ARRB2: variants seen among roughly 807,000 people sequenced by gnomAD.
The protein encoded by ARRB2 is arrestin beta 2, also known as beta-arrestin-2.
Under a neutral mutation model 53.4 loss-of-function variants are expected in ARRB2, and 21 were observed. The ratio of observed to expected loss-of-function variants is 0.39; its 90% confidence interval spans 0.28 to 0.57. The LOEUF is 0.57. ARRB2 is among the 20% of genes least tolerant of loss of function. The pLI, the probability that ARRB2 is intolerant of heterozygous loss-of-function variation, is 0.55. For synonymous variants in ARRB2, 180 were observed against 212.9 expected, an observed-to-expected ratio of 0.85 and a Z score of 1.34; for missense variants, 369 against 527.5, an observed-to-expected ratio of 0.70 and a Z score of 2.94.
At chr17:4,716,650 T>A (rs1311304149) in intron 5 of ARRB2, 42 bp downstream of exon 5, 1 of 1,543,102 alleles carries the variant, frequency 6.5e-7, no homozygotes, top group East Asian at 2.4e-5. Flanking sequence ...GGGCTGGGGC[T>A]GGGACTGTGT....
At chr17:4,718,175 G>A (rs949963324) in intron 8 of ARRB2, 86 bp from the exon 9 acceptor site, 17 of 1,544,340 alleles carry the variant, frequency 1.1e-5, no homozygotes, top group Admixed American at 1.9e-5. Flanking sequence ...GAGGGGGCCA[G>A]AACAATGTGT....
Position 4,717,762 on chromosome 17 carries a change from G to T in ARRB2, c.485+10G>T, listed in dbSNP as rs1269387887. On this transcript the variant is annotated intron_variant, in intron 7 of 14. Transcript: ENST00000269260. This position sits in a 1 kb window ranked among gnomAD's most constrained non-coding sequence, Gnocchi z 6.0. Reference sequence around the variant, plus strand: ...AGAAAAGCCACAAAAGGTAAGGGAAGTGACCTCCTCTGTGGTGTAAGAGGA... The same window carrying T: ...AGAAAAGCCACAAAAGGTAAGGGAATTGACCTCCTCTGTGGTGTAAGAGGA... 6.2e-7 allele frequency: 1 copy of T among 1,612,930 alleles called. No homozygotes were observed. Among genetic ancestry groups the T allele is most frequent in the South Asian group, 1.1e-5 (1 of 91,072 alleles).
At chr17:4,716,857 C>G (rs1915120385) in intron 5 of ARRB2, 1 of 708,166 alleles carries the variant, frequency 1.4e-6, no homozygotes, top group Admixed American at 3.0e-5. Context: ...GTTGTTGAGA[C>G]AAAGTCTCGC....
chr17:4,718,948 AT>A (rs1181374847), intron 10 of ARRB2, among the ~76,000 whole-genome samples: 1 of 152,028 alleles, frequency 6.6e-6, no homozygotes, highest in East Asian at 1.9e-4. Flanking sequence ...TACCCGGCTT[AT>A]TTTTAATAGA....
chr17:4,715,797 A>C (rs1597479098), intron 2 of ARRB2, 176 bp from the exon 3 acceptor site: 2 of 672,958 alleles, frequency 3.0e-6, no homozygotes, highest in Non-Finnish European at 5.1e-6. Flanking sequence ...CTAAAGGTCC[A>C]CTAGTCTGAG....
intron 11 of ARRB2, 104 bp downstream of exon 11, chr17:4,719,524 A>C: frequency 6.7e-7 from 1 of 1,482,720 alleles, no homozygotes; most frequent in Non-Finnish European, 9.1e-7. Flanking sequence ...AGAAGAGACA[A>C]AAAGAACTCT....
chr17:4,716,168 C>T lies in ARRB2; in HGVS notation c.137C>T (p.Pro46Leu), dbSNP rs1238660734. The change falls in exon 4 of 15, where the codon CCT (proline) becomes CTT (leucine). Residue 46 changes from proline to leucine, a missense_variant. Physicochemically the swap from Pro to Leu is moderately conservative, Grantham distance 98. Transcript: ENST00000269260. ...CTAGATGGCGTGGTGCTTGTGGACC[C>T]TGACTACCTGAAGGACCGCAAAGGT... The part of the protein sequence containing the change: ...DPVDGVVLVD[P>L]DYLKDRKVFV... 1 of 1,614,192 alleles carries T rather than the reference C, an allele frequency of 6.2e-7. No individual in the cohort carries two copies. Among genetic ancestry groups the T allele is most frequent in the Non-Finnish European group, 8.5e-7 (1 of 1,180,032 alleles).
In ARRB2 at chr17:4,718,294, G is replaced by C. The variant is rs1232568521; in HGVS notation, c.655G>C (p.Val219Leu). Residue 219 changes from valine to leucine, a missense_variant, in exon 9 of 15, where the codon GTC becomes CTC. By Grantham distance (32) the Val-to-Leu change is conservative. Coordinates refer to ENST00000269260, the MANE Select transcript of ARRB2 (RefSeq NM_004313.4). Reference protein sequence around the residue: ...YYHGEPLNVNVHVTNNSTKTV... With the variant: ...YYHGEPLNVNLHVTNNSTKTV... ...CCATGGGGAGCCCCTCAATGTAAAT[G>C]TCCACGTCACCAACAACTCCACCAA... is the stretch of plus-strand genomic sequence containing the variant. 1 of 1,612,316 alleles carries C rather than the reference G, an allele frequency of 6.2e-7. No individual in the cohort carries two copies. Among genetic ancestry groups the C allele is most frequent in the African/African-American group, 1.3e-5 (1 of 74,830 alleles).
intron 11 of ARRB2, among the ~76,000 whole-genome samples, chr17:4,719,944 A>C (rs1266422180): frequency 2.6e-5 from 4 of 152,158 alleles, no homozygotes; most frequent in Non-Finnish European, 5.9e-5. Context: ...GTACCAGGAG[A>C]GGAGGAGGAG....
intron 4 of ARRB2, 43 bp from the exon 5 acceptor site, chr17:4,716,369 G>A (rs765509808): frequency 6.2e-7 from 1 of 1,614,078 alleles, no homozygotes; most frequent in South Asian, 1.1e-5. Flanking sequence ...AGGGGACTGG[G>A]GAAGTGGGGC....
chr17:4,716,346 G>A, intron 4 of ARRB2, 66 bp from the exon 5 acceptor site: 1 of 1,612,902 alleles, frequency 6.2e-7, no homozygotes, highest in East Asian at 2.2e-5. Flanking sequence ...AGGAGCAGCG[G>A]CTGCTAGGTG....
chr17:4,721,197 C>G lies in ARRB2; in HGVS notation c.*158C>G, dbSNP rs551870617. The stretch of plus-strand genomic sequence containing the variant: ...CTTCACACTCTCTCCCCCATCCCCC[C>G]AAGATACACACTGGACCCTCTCTTG... On this transcript the variant is annotated 3_prime_UTR_variant, in exon 15 of 15. Coordinates refer to ENST00000269260, the MANE Select transcript of ARRB2 (RefSeq NM_004313.4). This position sits in a 1 kb window ranked among gnomAD's most constrained non-coding sequence, Gnocchi z 4.2. 9 of 692,302 alleles carry G rather than the reference C, an allele frequency of 1.3e-5. No individual in the cohort carries two copies. Among genetic ancestry groups the G allele is most frequent in the South Asian group, 7.4e-5 (4 of 54,104 alleles). The allele number at this position is 692,302 out of a possible 1,614,324, so 42.9% of individuals were successfully genotyped here. A position where few individuals can be genotyped will look rare whatever the true frequency, so the allele number is the denominator to read the frequency against.
intron 1 of ARRB2, among the ~76,000 whole-genome samples, chr17:4,711,252 G>C (rs1206648296): frequency 6.6e-6 from 1 of 152,146 alleles, no homozygotes; most frequent in Admixed American, 6.5e-5. Flanking sequence ...AGGAGCAACA[G>C]CTTCATCTTG....
chr17:4,711,920 A>G (rs1219720947), intron 1 of ARRB2, among the ~76,000 whole-genome samples: 1 of 152,216 alleles, frequency 6.6e-6, no homozygotes, highest in Non-Finnish European at 1.5e-5. Flanking sequence ...CCCTGCTCCC[A>G]CTGGGCACCT....
intron 2 of ARRB2, chr17:4,715,490 C>CACACACACACACAG (rs1555559480): frequency 6.8e-5 from 11 of 162,136 alleles, no homozygotes; most frequent in Admixed American, 1.9e-4. Context: ...CACACAGACA[C>CACACACACACACAG]ACACACACAT....
Position 4,720,285 on chromosome 17 carries a change from G to C in ARRB2, c.987G>C (p.Val329=). The change falls in exon 12 of 15, where the codon GTG becomes GTC. Residue 329 remains valine (V), a synonymous_variant. Transcript: ENST00000269260. ...LVSYRVKVKL[V]VSRGGDVSVE... ...CCTACAGGGTCAAGGTGAAGCTGGT[G>C]GTGTCTCGAGGCGGGTGAGTGTCAT... 6.2e-7 allele frequency: 1 copy of C among 1,613,996 alleles called. No homozygotes were observed. The highest frequency in any genetic ancestry group is 2.2e-5 in the East Asian group (1 of 44,870).
Position 4,721,030 on chromosome 17 carries a change from A to G in ARRB2, c.1221A>G (p.Gln407=). The part of the protein sequence containing the change: ...KGMKDDDYDD[Q]LC ...TGAAGGATGACGACTATGATGATCA[A>G]CTCTGCTAGGAAGCGGGGTGGGAAG... The change falls in exon 15 of 15, where the codon CAA becomes CAG. Residue 407 remains glutamine (Q), a synonymous_variant. Coordinates refer to ENST00000269260, the MANE Select transcript of ARRB2 (RefSeq NM_004313.4). This position sits in a 1 kb window ranked among gnomAD's most constrained non-coding sequence, Gnocchi z 4.2. 1 of 1,611,380 alleles carries G rather than the reference A, an allele frequency of 6.2e-7. No individual in the cohort carries two copies. Among genetic ancestry groups the G allele is most frequent in the Non-Finnish European group, 8.5e-7 (1 of 1,177,840 alleles).
In ARRB2 at chr17:4,713,669, A is replaced by G. The variant is rs190981922; in HGVS notation, c.24-1344A>G. ...GCCAGGCATGATGGCAGGCACCTCT[A>G]ATCCCAGCTACTCAGGAAGCTGAGG... On this transcript the variant is annotated intron_variant, in intron 1 of 14. Coordinates refer to ENST00000269260, the MANE Select transcript of ARRB2 (RefSeq NM_004313.4). Among the ~76,000 whole-genome samples the G allele has an allele frequency of 5.6e-4, 84 of 151,012 alleles. No homozygotes were observed. The East Asian group carries it at 0.015, about 26-fold the overall frequency.
rs34556580 is a variant in ARRB2 at position 4,720,371 on chromosome 17, C to T, written c.1002-22C>T. 8.7e-3 allele frequency: 14,116 copies of T among 1,613,670 alleles called. 1,137 individuals are homozygous for T. In the African/African-American group the frequency reaches 0.17, roughly 19 times the overall value. On this transcript the variant is annotated intron_variant, in intron 12 of 14. Coordinates refer to ENST00000269260, the MANE Select transcript of ARRB2 (RefSeq NM_004313.4). ...TAGTCCCATGTCGTCGTCCTCTTCA[C>T]GATGCCTCTCCCCTTCCCCAGGGAT...
Sources: gnomAD v4.1 joint callset for allele counts (sites outside exome capture counted in the v4.1 genomes callset) on GRCh38, gnomAD v4.1.1 for gene constraint, Gnocchi (gnomAD v3.1) non-coding constraint, MANE v1.5 for transcripts, NCBI Gene and HGNC (gene_info 2026-07-23, HGNC 2026-07-21) for gene names.